Variants in RNF144A observed in about 807,000 individuals in gnomAD.
RNF144A encodes the protein E3 ubiquitin-protein ligase RNF144A.
RNF144A carries 11 observed loss-of-function variants against 38.7 expected under a neutral mutation model. The ratio of observed to expected loss-of-function variants is 0.28; its 90% CI spans 0.18 to 0.47. RNF144A has a LOEUF of 0.47. Ranked by LOEUF, RNF144A falls within the 20% of genes least tolerant of loss-of-function variation. The pLI, the probability that RNF144A is intolerant of heterozygous loss-of-function variation, is 0.99. For missense variants in RNF144A, 316 were observed against 377.2 expected (o/e 0.84, Z 1.34); for synonymous variants, 149 against 143.9 (o/e 1.04, Z -0.25).
At chr2:7,010,789 C>A (rs1670744603) in intron 3 of RNF144A, among the ~76,000 whole-genome samples, 1 of 152,118 alleles carries the variant, frequency 6.6e-6, no homozygotes, top group African/African-American at 2.4e-5. Context: ...CTTCCCTGAT[C>A]CCACCCAGGT....
intron 3 of RNF144A, among the ~76,000 whole-genome samples, chr2:7,000,652 A>G (rs1216418301): frequency 6.6e-6 from 1 of 152,114 alleles, no homozygotes; most frequent in Non-Finnish European, 1.5e-5. Flanking sequence ...CTCTTATCCC[A>G]AAGGTGGGAA....
At chr2:6,926,348 A>G (rs1025797369) in intron 1 of RNF144A, among the ~76,000 whole-genome samples, 1 of 152,210 alleles carries the variant, frequency 6.6e-6, no homozygotes, top group Non-Finnish European at 1.5e-5. Flanking sequence ...GAGAAAGAGA[A>G]GGAGAGAAAA....
At chr2:6,980,929 C>A (rs747862252) in intron 2 of RNF144A, among the ~76,000 whole-genome samples, 2 of 152,220 alleles carry the variant, frequency 1.3e-5, no homozygotes, top group Non-Finnish European at 2.9e-5. Context: ...TTGCCTTATG[C>A]GCACCCACAG....
At chr2:7,002,739 C>T (rs558326061) in intron 3 of RNF144A, among the ~76,000 whole-genome samples, 6 of 152,146 alleles carry the variant, frequency 3.9e-5, no homozygotes, top group African/African-American at 1.2e-4. Flanking sequence ...ACTTTTTTAT[C>T]GTTATTTTAG....
intron 8 of RNF144A, among the ~76,000 whole-genome samples, chr2:7,032,443 G>A (rs1672375640): frequency 6.6e-6 from 1 of 152,264 alleles, no homozygotes; most frequent in Non-Finnish European, 1.5e-5. Flanking sequence ...GCTCAGAACA[G>A]CAGAAATGTA....
rs907429658 is a variant in RNF144A, at chr2:6,941,224, G to A, written c.-12+77G>A. On this transcript the variant is annotated intron_variant, in intron 2 of 8. Coordinates refer to ENST00000320892, the MANE Select transcript of RNF144A (RefSeq NM_014746.6). The surrounding 1 kb of genome is among the most constrained non-coding windows in gnomAD (Gnocchi z 6.5). The stretch of plus-strand genomic sequence containing the variant: ...TTAGTGGAATCTCAGGCCATTGTTG[G>A]AAAAGATAGTAGGCCTGCCTGGGTG... 1 of 152,220 alleles carries A rather than the reference G, an allele frequency of 6.6e-6. No homozygotes were observed. Among genetic ancestry groups the A allele is most frequent in the Non-Finnish European group, 1.5e-5 (1 of 68,046 alleles). The allele number at this position is 152,220 out of a possible 1,614,324, so 9.4% of individuals were successfully genotyped here. A position where few individuals can be genotyped will look rare whatever the true frequency, so the allele number is the denominator to read the frequency against.
At chr2:7,018,536 C>A (rs570662281) in intron 5 of RNF144A, among the ~76,000 whole-genome samples, 1 of 152,062 alleles carries the variant, frequency 6.6e-6, no homozygotes, top group Non-Finnish European at 1.5e-5. Flanking sequence ...ATGTGCACCC[C>A]CTCCTTGCTT....
rs1248120806 is a variant in RNF144A at position 7,039,792 on chromosome 2, T to A, written c.*32T>A. 1 of 1,607,980 alleles carries A rather than the reference T, an allele frequency of 6.2e-7. No homozygotes were observed. Among genetic ancestry groups the A allele is most frequent in the Non-Finnish European group, 8.5e-7 (1 of 1,176,858 alleles). On this transcript the variant is annotated 3_prime_UTR_variant, in exon 9 of 9. Transcript: ENST00000320892. The stretch of plus-strand genomic sequence containing the variant: ...CGCGATGCTGGAACACATCCCTGCC[T>A]CCGGGAAGTGTGGCTCTCCCCCAAC...
Position 7,040,365 on chromosome 2 carries a change from A to T in RNF144A, c.*605A>T. ...AGTTAAACGACTTTTCAGGAGATTT[A>T]GAAAGCCTTATGCACTCTTTGTGTT... On this transcript the variant is annotated 3_prime_UTR_variant, in exon 9 of 9. Transcript: ENST00000320892. 1.0e-6 allele frequency: 1 copy of T among 985,582 alleles called. No individual in the cohort carries two copies. The highest frequency in any genetic ancestry group is 1.2e-6 in the Non-Finnish European group (1 of 830,026). 61.1% of individuals were successfully genotyped at this position (985,582 alleles called of 1,614,324 possible). A position where few individuals can be genotyped will look rare whatever the true frequency, so the allele number is the denominator to read the frequency against.
chr2:6,919,932 T>G (rs1664425226), intron 1 of RNF144A, among the ~76,000 whole-genome samples: 1 of 152,158 alleles, frequency 6.6e-6, no homozygotes, highest in South Asian at 2.1e-4. Flanking sequence ...ATGCATATAT[T>G]TTATAAATAG....
intron 3 of RNF144A, among the ~76,000 whole-genome samples, chr2:7,014,049 A>G (rs1558432149): frequency 1.3e-5 from 2 of 152,366 alleles, no homozygotes; most frequent in Admixed American, 1.3e-4. Flanking sequence ...TCTTGTAAAA[A>G]TGCTCTAAGG....
chr2:7,040,651 C>T lies in RNF144A; in HGVS notation c.*891C>T, dbSNP rs758738241. The T allele has an allele frequency of 1.2e-5, 12 of 985,436 alleles. No individual in the cohort carries two copies. The highest frequency in any genetic ancestry group is 2.3e-4 in the East Asian group (2 of 8,814). The allele number at this position is 985,436 out of a possible 1,614,324, so 61.0% of individuals were successfully genotyped here. A position where few individuals can be genotyped will look rare whatever the true frequency, so the allele number is the denominator to read the frequency against. On this transcript the variant is annotated 3_prime_UTR_variant, in exon 9 of 9. Coordinates refer to ENST00000320892, the MANE Select transcript of RNF144A (RefSeq NM_014746.6). ...GCTTTGCTCGGCAATGGTTCTCCTC[C>T]GAATTGCTGCCGTCTGGCCTCTGGC...
intron 8 of RNF144A, among the ~76,000 whole-genome samples, chr2:7,034,269 C>T (rs1672517089): frequency 6.7e-6 from 1 of 148,774 alleles, no homozygotes; most frequent in African/African-American, 2.5e-5. Context: ...AAGACTCTGT[C>T]TCAAAAAAAA....
intron 1 of RNF144A, among the ~76,000 whole-genome samples, chr2:6,919,641 C>G (rs915198716): frequency 3.9e-5 from 6 of 152,136 alleles, no homozygotes; most frequent in African/African-American, 1.4e-4. Flanking sequence ...AGTCAGACCC[C>G]CACTGGCTGT....
At position 7,041,603 on chromosome 2, in the gene RNF144A, C is replaced by G. The variant is rs1433581962; in HGVS notation, c.*1843C>G. 3.0e-6 allele frequency: 3 copies of G among 985,768 alleles called. No homozygotes were observed. The highest frequency in any genetic ancestry group is 9.4e-5 in the South Asian group (2 of 21,288). The allele number at this position is 985,768 out of a possible 1,614,324, so 61.1% of individuals were successfully genotyped here. A position where few individuals can be genotyped will look rare whatever the true frequency, so the allele number is the denominator to read the frequency against. ...GCTTTTCTGGAGGTGGGTGGCAACT[C>G]CACGCGGGAGTCATTGGCTGGGCTT... is the stretch of plus-strand genomic sequence containing the variant. On this transcript the variant is annotated 3_prime_UTR_variant, in exon 9 of 9. Transcript: ENST00000320892.
downstream of RNF144A, chr2:7,044,223 G>C (rs1673211919): frequency 8.2e-6 from 8 of 972,676 alleles, no homozygotes; most frequent in Non-Finnish European, 9.8e-6. Flanking sequence ...CTGACTACTG[G>C]CCTGAAGATG....
intron 2 of RNF144A, among the ~76,000 whole-genome samples, chr2:6,982,450 AT>A (rs1668694371): frequency 6.6e-6 from 1 of 152,180 alleles, no homozygotes; most frequent in South Asian, 2.1e-4. Flanking sequence ...TCACGCTAGT[AT>A]TTTTTTCTTC....
chr2:7,048,935 G>A (rs1453713789), downstream of RNF144A, among the ~76,000 whole-genome samples: 1 of 152,188 alleles, frequency 6.6e-6, no homozygotes, highest in Non-Finnish European at 1.5e-5. Flanking sequence ...AGAAACCCGT[G>A]GCAACTGAGA....
chr2:7,024,096 T>C (rs751000231), intron 6 of RNF144A, among the ~76,000 whole-genome samples: 8 of 152,242 alleles, frequency 5.3e-5, no homozygotes, highest in Non-Finnish European at 1.2e-4. Context: ...CTTTTGTTTG[T>C]ATACATATAT....
Sources: gnomAD v4.1 joint callset for allele counts (sites outside exome capture counted in the v4.1 genomes callset) on GRCh38, gnomAD v4.1.1 for gene constraint, Gnocchi (gnomAD v3.1) non-coding constraint, MANE v1.5 for transcripts, NCBI Gene and HGNC (gene_info 2026-07-23, HGNC 2026-07-21) for gene names.